Variants in ST3GAL1 observed in about 807,000 individuals in gnomAD.
The protein encoded by ST3GAL1 is ST3 beta-galactoside alpha-2,3-sialyltransferase 1.
In ST3GAL1, 16 loss-of-function variants were observed where a neutral mutation model predicts 34.1. The ratio of observed to expected loss-of-function variants is 0.47; its 90% CI spans 0.32 to 0.71. The LOEUF (loss-of-function observed/expected upper bound fraction) is 0.71, where lower values mean the gene tolerates loss of function less well. ST3GAL1 is among the 30% of genes least tolerant of loss of function. ST3GAL1 has a pLI of 0.04. For missense variants in ST3GAL1, 353 were observed against 447.4 expected, an observed-to-expected ratio of 0.79 and a Z score of 1.90; for synonymous variants, 191 against 184.7, an observed-to-expected ratio of 1.03 and a Z score of -0.28.
intron 2 of ST3GAL1, chr8:133,539,876 C>T (rs1201523919): frequency 1.3e-5 from 2 of 152,094 alleles, no homozygotes; most frequent in African/African-American, 4.8e-5. Context: ...AGCCTGGGCA[C>T]CAGAGTGAGA....
chr8:133,540,700 T>C (rs1223088096), intron 2 of ST3GAL1, among the ~76,000 whole-genome samples: 1 of 145,666 alleles, frequency 6.9e-6, no homozygotes, highest in African/African-American at 2.5e-5. Flanking sequence ...ACACCATATA[T>C]ATATATACAG....
chr8:133,496,406 T>G (rs1816947183), intron 3 of ST3GAL1, among the ~76,000 whole-genome samples: 1 of 152,308 alleles, frequency 6.6e-6, no homozygotes, highest in South Asian at 2.1e-4. Context: ...CTGCCCTTCC[T>G]TCCTAGGACA....
intron 7 of ST3GAL1, 22 bp downstream of exon 7, chr8:133,464,756 C>A: frequency 6.2e-7 from 1 of 1,601,372 alleles, no homozygotes; most frequent in South Asian, 1.1e-5. Context: ...AGCAGCGAGG[C>A]GGGGCCACAG....
At chr8:133,520,619 A>T (rs910000633) in intron 2 of ST3GAL1, among the ~76,000 whole-genome samples, 2 of 152,178 alleles carry the variant, frequency 1.3e-5, no homozygotes, top group Admixed American at 1.3e-4. Flanking sequence ...CCTCCAGTCT[A>T]GAACAAAAGG....
chr8:133,534,051 G>T (rs1188798698), intron 2 of ST3GAL1, among the ~76,000 whole-genome samples: 1 of 152,090 alleles, frequency 6.6e-6, no homozygotes, highest in Non-Finnish European at 1.5e-5. Context: ...GGGATTCAAT[G>T]GGGAAAAAAA....
At chr8:133,478,413 G>A (rs186306988) in intron 3 of ST3GAL1, among the ~76,000 whole-genome samples, 60 of 152,308 alleles carry the variant, frequency 3.9e-4, no homozygotes, top group African/African-American at 1.4e-3. Flanking sequence ...TTTTGCTAGC[G>A]TGTGTAGAAG....
At chr8:133,552,554 G>C (rs1169574465) in intron 1 of ST3GAL1, among the ~76,000 whole-genome samples, 2 of 152,138 alleles carry the variant, frequency 1.3e-5, no homozygotes, top group Non-Finnish European at 2.9e-5. Context: ...TCAGAGAGTG[G>C]GTCCCCTTTG....
chr8:133,537,384 G>A (rs1016834065), intron 2 of ST3GAL1, among the ~76,000 whole-genome samples: 4 of 152,130 alleles, frequency 2.6e-5, no homozygotes, highest in African/African-American at 9.7e-5. Flanking sequence ...AGGATCTCAA[G>A]ACCCACAGTC....
chr8:133,556,278 C>T lies in ST3GAL1; in HGVS notation c.-581-10352G>A, dbSNP rs564944516. ...AGAGCACAAGGGGTAACACTAAGCT[C>T]GGACGTGGAAGTCACTTGCCCCAGA... On this transcript the variant is annotated intron_variant, in intron 1 of 9. Transcript: ENST00000522652. This position sits in a 1 kb window ranked among gnomAD's most constrained non-coding sequence, Gnocchi z 8.9. Among the ~76,000 whole-genome samples, 52 of 152,274 alleles carry T rather than the reference C, an allele frequency of 3.4e-4. No homozygotes were observed. Among genetic ancestry groups the T allele is most frequent in the Middle Eastern group, 3.4e-3 (1 of 294 alleles).
chr8:133,476,148 G>C (rs1816168658), intron 4 of ST3GAL1, 74 bp from the exon 5 acceptor site: 1 of 1,144,512 alleles, frequency 8.7e-7, no homozygotes, highest in African/African-American at 1.6e-5. Context: ...GGAATTCCAA[G>C]GGAGGACACA....
At chr8:133,476,863 A>C (rs1369161865) in intron 3 of ST3GAL1, among the ~76,000 whole-genome samples, 1 of 152,228 alleles carries the variant, frequency 6.6e-6, no homozygotes, top group African/African-American at 2.4e-5. Context: ...GCACATTGAC[A>C]CACTCAACAA....
At chr8:133,498,778 CA>C (rs773631763) in intron 3 of ST3GAL1, among the ~76,000 whole-genome samples, 22 of 152,194 alleles carry the variant, frequency 1.4e-4, no homozygotes, top group Non-Finnish European at 2.6e-4. Flanking sequence ...TGTGGGGTCC[CA>C]GGGGTCTGGT....
intron 3 of ST3GAL1, among the ~76,000 whole-genome samples, chr8:133,493,053 C>A (rs1216790441): frequency 6.6e-6 from 1 of 152,200 alleles, no homozygotes; most frequent in African/African-American, 2.4e-5. Flanking sequence ...CCAGCTCTGT[C>A]TGAGCTGGCC....
At chr8:133,543,266 C>T (rs904610902) in intron 2 of ST3GAL1, among the ~76,000 whole-genome samples, 4 of 152,196 alleles carry the variant, frequency 2.6e-5, no homozygotes, top group South Asian at 2.1e-4. Flanking sequence ...AAAAGGTTAA[C>T]GTGCTGAAAT....
chr8:133,505,084 A>T (rs938452948), intron 2 of ST3GAL1, among the ~76,000 whole-genome samples: 3 of 152,146 alleles, frequency 2.0e-5, no homozygotes, highest in African/African-American at 7.2e-5. Context: ...CACTGCAGAC[A>T]ATTTGGAGTT....
intron 2 of ST3GAL1, among the ~76,000 whole-genome samples, chr8:133,540,908 C>CATATATATAGAT (rs1818473229): frequency 3.2e-5 from 1 of 31,036 alleles, no homozygotes; most frequent in African/African-American, 1.7e-4. Flanking sequence ...TATATATAGA[C>CATATATATAGAT]ATATATATAG....
Position 133,469,141 on chromosome 8 carries a change from A to G in ST3GAL1, c.307-3051T>C, listed in dbSNP as rs1815853105. Among the ~76,000 whole-genome samples, 1 of 152,166 alleles carries G rather than the reference A, an allele frequency of 6.6e-6. No individual in the cohort carries two copies. The highest frequency in any genetic ancestry group is 1.5e-5 in the Non-Finnish European group (1 of 68,024). On this transcript the variant is annotated intron_variant, in intron 5 of 9. Transcript: ENST00000522652. The surrounding 1 kb of genome is among the most constrained non-coding windows in gnomAD (Gnocchi z 4.3). The stretch of plus-strand genomic sequence containing the variant: ...TATGCTGCCTGCTTCACACAGCACC[A>G]CATCATCCTGCTGGACTCTGACTGA...
chr8:133,468,445 G>A (rs185697610), intron 5 of ST3GAL1, among the ~76,000 whole-genome samples: 55 of 152,300 alleles, frequency 3.6e-4, no homozygotes, highest in Admixed American at 1.1e-3. Flanking sequence ...GAGTGGCAGC[G>A]TGGCTGTCAG....
At chr8:133,462,216 G>A (rs1586581516) in intron 8 of ST3GAL1, among the ~76,000 whole-genome samples, 2 of 152,180 alleles carry the variant, frequency 1.3e-5, no homozygotes, top group Admixed American at 1.3e-4. Flanking sequence ...GAGCAATGAT[G>A]CAGAGGAGGG....
Sources: gnomAD v4.1 joint callset for allele counts (sites outside exome capture counted in the v4.1 genomes callset) on GRCh38, gnomAD v4.1.1 for gene constraint, Gnocchi (gnomAD v3.1) non-coding constraint, MANE v1.5 for transcripts, NCBI Gene and HGNC (gene_info 2026-07-23, HGNC 2026-07-21) for gene names.